PDE7B: variants seen among roughly 807,000 people sequenced by gnomAD.
PDE7B encodes 3',5'-cyclic-AMP phosphodiesterase 7B.
A neutral mutation model predicts 56.2 loss-of-function variants in PDE7B; 29 were observed. The observed-to-expected ratio is 0.52, with a 90% CI of 0.38 to 0.70. The LOEUF (loss-of-function observed/expected upper bound fraction) is 0.70. PDE7B is among the 30% of genes least tolerant of loss of function. The pLI is 0.00. For synonymous variants in PDE7B, 197 were observed against 196.9 expected (o/e 1.00, Z 0.00); for missense variants, 490 against 565.0 (o/e 0.87, Z 1.35).
intron 1 of PDE7B, among the ~76,000 whole-genome samples, chr6:135,926,101 AG>A (rs1458954637): frequency 3.0e-4 from 5 of 16,874 alleles, no homozygotes; most frequent in Admixed American, 1.7e-3. Context: ...GGGGGGGGGG[AG>A]GGGGGATGGA....
At position 136,038,490 on chromosome 6, in the gene PDE7B, G is replaced by C. The variant is rs77633279; in HGVS notation, c.83-70241G>C. Reference sequence around the variant, plus strand: ...GAGCTGCAGGCGACCAAACAGAGAGGCATTCTGGACAATGAAGATGCTCTC... The same window carrying C: ...GAGCTGCAGGCGACCAAACAGAGAGCCATTCTGGACAATGAAGATGCTCTC... On this transcript the variant is annotated intron_variant, in intron 2 of 12. Transcript: ENST00000308191. 6.6e-3 allele frequency: 8,471 copies of C among 1,289,554 alleles called. 228 individuals carry two copies. In the African/African-American group the frequency reaches 0.077, roughly 12 times the overall value. The allele number at this position is 1,289,554 out of a possible 1,614,324, so 79.9% of individuals were successfully genotyped here.
At chr6:135,909,541 G>C (rs922091214) in intron 1 of PDE7B, among the ~76,000 whole-genome samples, 1 of 151,924 alleles carries the variant, frequency 6.6e-6, no homozygotes. Context: ...GGAATGTGGA[G>C]GTTGCAGTGA....
intron 1 of PDE7B, among the ~76,000 whole-genome samples, chr6:135,932,874 A>G (rs1218263990): frequency 8.5e-5 from 13 of 152,186 alleles, no homozygotes; most frequent in Admixed American, 8.5e-4. Context: ...AAGATAGCAC[A>G]ATATCCAAAG....
At chr6:135,949,510 TG>T (rs1774659280) in intron 2 of PDE7B, among the ~76,000 whole-genome samples, 1 of 152,102 alleles carries the variant, frequency 6.6e-6, no homozygotes, top group Admixed American at 6.6e-5. Flanking sequence ...ATCAGTTTTA[TG>T]TTGCTACCAC....
chr6:136,113,282 C>A (rs1333879244), intron 3 of PDE7B, among the ~76,000 whole-genome samples: 1 of 151,954 alleles, frequency 6.6e-6, no homozygotes, highest in Admixed American at 6.6e-5. Context: ...TAAATATGTA[C>A]AATTTTGTTA....
At chr6:135,869,002 A>G (rs1775319591) in intron 1 of PDE7B, among the ~76,000 whole-genome samples, 1 of 152,192 alleles carries the variant, frequency 6.6e-6, no homozygotes, top group Non-Finnish European at 1.5e-5. Flanking sequence ...ATATCAAGCC[A>G]TTGAAATGAT....
intron 5 of PDE7B, 94 bp downstream of exon 5, chr6:136,149,244 CT>C: frequency 1.0e-5 from 8 of 798,518 alleles, no homozygotes; most frequent in Non-Finnish European, 1.3e-5. Context: ...ACTGCTATTC[CT>C]TTTTCCTTCT....
chr6:135,921,657 T>C (rs1021203387), intron 1 of PDE7B, among the ~76,000 whole-genome samples: 2 of 152,068 alleles, frequency 1.3e-5, no homozygotes, highest in Non-Finnish European at 2.9e-5. Flanking sequence ...GATTTGCCAA[T>C]GAAAATAAAT....
At chr6:135,930,991 C>T (rs1450055699) in intron 1 of PDE7B, among the ~76,000 whole-genome samples, 2 of 152,160 alleles carry the variant, frequency 1.3e-5, no homozygotes, top group East Asian at 1.9e-4. Flanking sequence ...AACCTAACCA[C>T]ATATTTGAAA....
At chr6:136,148,576 A>G (rs1778459982) in intron 4 of PDE7B, among the ~76,000 whole-genome samples, 1 of 152,080 alleles carries the variant, frequency 6.6e-6, no homozygotes, top group Admixed American at 6.5e-5. Flanking sequence ...CTCCAAAAGG[A>G]TAAAAAAATC....
At chr6:136,109,580 C>T (rs1777709507) in intron 3 of PDE7B, among the ~76,000 whole-genome samples, 1 of 152,166 alleles carries the variant, frequency 6.6e-6, no homozygotes, top group African/African-American at 2.4e-5. Flanking sequence ...TGGTAAAACT[C>T]TTCACCAGGG....
intron 1 of PDE7B, among the ~76,000 whole-genome samples, chr6:135,857,581 A>G (rs954378016): frequency 6.6e-6 from 1 of 152,168 alleles, no homozygotes; most frequent in African/African-American, 2.4e-5. Flanking sequence ...ACCTGAAGGT[A>G]CCAAACGGTC....
intron 2 of PDE7B, among the ~76,000 whole-genome samples, chr6:136,008,590 A>G (rs1165941082): frequency 2.6e-5 from 4 of 152,096 alleles, no homozygotes; most frequent in Admixed American, 6.6e-5. Context: ...GCCAGTGAGG[A>G]TGAGCATTTT....
intron 2 of PDE7B, among the ~76,000 whole-genome samples, chr6:135,961,283 G>GTA (rs1267892427): frequency 3.8e-5 from 4 of 104,312 alleles, no homozygotes; most frequent in African/African-American, 1.5e-4. Flanking sequence ...GTGTGTGTAT[G>GTA]TGTGTGTGTG....
intron 1 of PDE7B, among the ~76,000 whole-genome samples, chr6:135,939,759 C>G (rs77188715): frequency 0.016 from 2,426 of 152,236 alleles, 72 homozygotes; most frequent in African/African-American, 0.056. Flanking sequence ...GAGGTTTCAG[C>G]TGGGTGGCTG....
intron 1 of PDE7B, among the ~76,000 whole-genome samples, chr6:135,927,840 G>C (rs1038195714): frequency 3.9e-5 from 6 of 152,082 alleles, no homozygotes; most frequent in African/African-American, 1.4e-4. Context: ...ACTATGAACA[G>C]AGTAAACTAA....
At chr6:136,029,562 G>A (rs915049344) in intron 2 of PDE7B, among the ~76,000 whole-genome samples, 7 of 152,146 alleles carry the variant, frequency 4.6e-5, no homozygotes, top group Admixed American at 2.6e-4. Context: ...GGAAGATCAT[G>A]GAGGACAAAG....
chr6:135,984,268 A>G lies in PDE7B; in HGVS notation c.82+36744A>G, dbSNP rs544754434. Among the ~76,000 whole-genome samples the G allele has an allele frequency of 2.6e-5, 4 of 152,282 alleles. No individual in the cohort carries two copies. The South Asian group carries it at 8.3e-4, about 32-fold the overall frequency. On this transcript the variant is annotated intron_variant, in intron 2 of 12. Coordinates refer to ENST00000308191, the MANE Select transcript of PDE7B (RefSeq NM_018945.4). ...TTATTCATCGGAAGACCTGAAAGTA[A>G]ATCATAGTCTCCCAATTGTTTTGTT...
In PDE7B at chr6:135,926,098, GGGA is replaced by G. The variant is rs1401004634; in HGVS notation, c.22-21363_22-21361del. On this transcript the variant is annotated intron_variant, in intron 1 of 12. Coordinates refer to ENST00000308191, the MANE Select transcript of PDE7B (RefSeq NM_018945.4). Reference sequence around the variant, plus strand: ...TTTTCTTTTTTTTGGGGGGGGGGGGGGGAGGGGGGATGGAGTTTCACTCTGTCG... The same window carrying G: ...TTTTCTTTTTTTTGGGGGGGGGGGGGGGGGGGATGGAGTTTCACTCTGTCG... Among the ~76,000 whole-genome samples, 548 of 80,410 alleles carry G rather than the reference GGGA, an allele frequency of 6.8e-3. 2 individuals carry two copies. The highest frequency in any genetic ancestry group is 0.018 in the East Asian group (35 of 1,916). The allele number at this position is 80,410 out of a possible 152,430, so 52.8% of individuals were successfully genotyped here.
Sources: gnomAD v4.1 joint callset for allele counts (sites outside exome capture counted in the v4.1 genomes callset) on GRCh38, gnomAD v4.1.1 for gene constraint, MANE v1.5 for transcripts, NCBI Gene and HGNC (gene_info 2026-07-23, HGNC 2026-07-21) for gene names.